NBAS: variants seen among roughly 807,000 people sequenced by gnomAD.
NBAS encodes NBAS subunit of NRZ tethering complex.
NBAS carries 219 observed loss-of-function variants against 302.5 expected under a neutral mutation model. The observed-to-expected ratio is 0.72, with a 90% confidence interval of 0.65 to 0.81. NBAS has a LOEUF of 0.81. NBAS is among the 30% of genes least tolerant of loss of function. The pLI, the probability that NBAS is intolerant of heterozygous loss-of-function variation, is 0.00. For missense variants in NBAS, 2,932 were observed against 2,841.6 expected (o/e 1.03, Z -0.72); for synonymous variants, 1,118 against 1,021.6 (o/e 1.09, Z -1.80).
At chr2:15,235,819 T>C (rs778767604) in intron 45 of NBAS, among the ~76,000 whole-genome samples, 5 of 152,186 alleles carry the variant, frequency 3.3e-5, no homozygotes, top group Non-Finnish European at 7.4e-5. Flanking sequence ...CATTTCACTG[T>C]TCTGCCCATT....
At chr2:14,780,418 G>A in the NBAS span, among the ~76,000 whole-genome samples, 2 of 152,206 alleles carry the variant, frequency 1.3e-5, no homozygotes, top group Non-Finnish European at 2.9e-5. Context: ...TGTGAGAGGC[G>A]ATCATGCTCA....
At chr2:14,854,968 T>C in the NBAS span, among the ~76,000 whole-genome samples, 1 of 151,970 alleles carries the variant, frequency 6.6e-6, no homozygotes, top group African/African-American at 2.4e-5. Context: ...ACATCACCCC[T>C]CCTTAACCCC....
chr2:15,240,860 A>C (rs1225906751), intron 44 of NBAS, among the ~76,000 whole-genome samples: 1 of 152,162 alleles, frequency 6.6e-6, no homozygotes. Flanking sequence ...CCCACAAATA[A>C]ACTGTTAACT....
chr2:15,087,063 G>A, the NBAS span, among the ~76,000 whole-genome samples: 8 of 150,944 alleles, frequency 5.3e-5, no homozygotes, highest in African/African-American at 2.0e-4. Context: ...TTTTTCCCCT[G>A]ATTTCAGACT....
intron 32 of NBAS, among the ~76,000 whole-genome samples, chr2:15,365,406 A>G (rs1156881300): frequency 6.6e-6 from 1 of 152,188 alleles, no homozygotes; most frequent in Non-Finnish European, 1.5e-5. Context: ...GCACTTTCAC[A>G]TGCATTAACT....
the NBAS span, among the ~76,000 whole-genome samples, chr2:15,084,687 C>CGGA: frequency 1.6e-4 from 23 of 143,606 alleles, 2 homozygotes; most frequent in African/African-American, 6.7e-4. Flanking sequence ...ATCGGCGGGG[C>CGGA]GGGGGGGGTT....
the NBAS span, among the ~76,000 whole-genome samples, chr2:14,971,475 A>G: frequency 2.0e-5 from 3 of 152,208 alleles, no homozygotes; most frequent in South Asian, 4.1e-4. Context: ...AGATTGCGCC[A>G]CTGCACTCCA....
chr2:15,009,056 A>G, the NBAS span, among the ~76,000 whole-genome samples: 1,883 of 152,292 alleles, frequency 0.012, 52 homozygotes, highest in East Asian at 0.089. Context: ...TCTGAGTCCA[A>G]TGCTCTCCTT....
intron 28 of NBAS, among the ~76,000 whole-genome samples, chr2:15,392,461 T>G (rs752903555): frequency 2.0e-5 from 3 of 152,058 alleles, no homozygotes; most frequent in East Asian, 1.9e-4. Flanking sequence ...AAGAATCAAC[T>G]GTATTTCTAC....
the NBAS span, among the ~76,000 whole-genome samples, chr2:14,991,233 C>A: frequency 6.6e-6 from 1 of 151,884 alleles, no homozygotes; most frequent in South Asian, 2.1e-4. Context: ...AACCAACAAC[C>A]CTTTCTCCAT....
chr2:15,513,825 CAA>C (rs112594988), intron 9 of NBAS, among the ~76,000 whole-genome samples: 1 of 138,072 alleles, frequency 7.2e-6, no homozygotes, highest in African/African-American at 2.7e-5. Context: ...CTCATCTCTA[CAA>C]AAAAAAAAAT....
intron 41 of NBAS, among the ~76,000 whole-genome samples, chr2:15,291,279 T>C (rs1670293675): frequency 6.6e-6 from 1 of 152,208 alleles, no homozygotes; most frequent in Non-Finnish European, 1.5e-5. Flanking sequence ...AGTTACTTAA[T>C]ATCCCTAAGC....
At chr2:15,350,639 C>T (rs961772498) in intron 35 of NBAS, among the ~76,000 whole-genome samples, 1 of 152,110 alleles carries the variant, frequency 6.6e-6, no homozygotes, top group African/African-American at 2.4e-5. Context: ...TTGGTTCGGA[C>T]AATTTTATTC....
At chr2:15,082,420 G>A in the NBAS span, among the ~76,000 whole-genome samples, 1 of 152,150 alleles carries the variant, frequency 6.6e-6, no homozygotes, top group Non-Finnish European at 1.5e-5. Flanking sequence ...CTCATTTCAT[G>A]TTCTGAGTCA....
chr2:15,081,626 T>G, the NBAS span, among the ~76,000 whole-genome samples: 2 of 152,160 alleles, frequency 1.3e-5, no homozygotes, highest in Non-Finnish European at 2.9e-5. Flanking sequence ...TCTCCAGACT[T>G]TTTTCACTAG....
At chr2:15,527,889 C>T (rs777261962) in intron 9 of NBAS, among the ~76,000 whole-genome samples, 3 of 152,076 alleles carry the variant, frequency 2.0e-5, no homozygotes, top group Non-Finnish European at 4.4e-5. Context: ...AAGAGTCACC[C>T]AGCCTCTAGT....
At chr2:15,292,937 T>A (rs745591946) in intron 40 of NBAS, among the ~76,000 whole-genome samples, 171 bp from the exon 41 acceptor site, 8 of 152,156 alleles carry the variant, frequency 5.3e-5, no homozygotes, top group Non-Finnish European at 1.5e-5. Context: ...AGTGGCACTT[T>A]ACCCAGTTAG....
intron 16 of NBAS, among the ~76,000 whole-genome samples, chr2:15,471,189 A>G (rs1049716413): frequency 6.6e-6 from 1 of 152,222 alleles, no homozygotes; most frequent in African/African-American, 2.4e-5. Flanking sequence ...AAAGATATAC[A>G]TGAACTCATG....
At position 15,560,707 on chromosome 2, in the gene NBAS, G is replaced by A. The variant is rs577226947; in HGVS notation, c.117+481C>T. Among the ~76,000 whole-genome samples the A allele has an allele frequency of 1.4e-4, 21 of 152,210 alleles. No homozygotes were observed. The East Asian group carries it at 4.1e-3, about 29-fold the overall frequency. On this transcript the variant is annotated intron_variant, in intron 1 of 51. Coordinates refer to ENST00000281513, the MANE Select transcript of NBAS (RefSeq NM_015909.4). ...CAGATTCTGCGCTCTGCACCAGCCT[G>A]GCAGATGCTGCAGACTGTAAGGTCC...
Sources: allele counts gnomAD v4.1 joint callset (sites outside exome capture counted in the v4.1 genomes callset), GRCh38; gene constraint gnomAD v4.1.1; transcripts MANE v1.5; gene names NCBI Gene and HGNC (gene_info 2026-07-23, HGNC 2026-07-21).